ERC2: variants seen among roughly 807,000 people sequenced by gnomAD.
The protein encoded by ERC2 is ERC protein 2.
ERC2 carries 42 observed loss-of-function variants against 114.8 expected under a neutral mutation model. That is an observed-to-expected ratio of 0.37 (90% CI 0.29 to 0.47). ERC2 has a LOEUF of 0.47. Ranked by LOEUF, ERC2 falls within the 20% of genes least tolerant of loss-of-function variation. The pLI, the probability that ERC2 is intolerant of heterozygous loss-of-function variation, is 0.99. For synonymous variants in ERC2, 454 were observed against 425.5 expected, an observed-to-expected ratio of 1.07 and a Z score of -0.82; for missense variants, 939 against 1,150.7, an observed-to-expected ratio of 0.82 and a Z score of 2.66.
chr3:56,244,723 T>A (rs564227517), intron 3 of ERC2, among the ~76,000 whole-genome samples: 3 of 152,342 alleles, frequency 2.0e-5, no homozygotes, highest in Non-Finnish European at 4.4e-5. Flanking sequence ...TAAAAAAGTT[T>A]AATAAATTTA....
intron 13 of ERC2, among the ~76,000 whole-genome samples, chr3:55,933,443 A>G (rs1268489968): frequency 3.3e-5 from 5 of 152,266 alleles, no homozygotes; most frequent in Non-Finnish European, 7.3e-5. Context: ...AGAAGAAAGA[A>G]TAACGATACC....
chr3:55,943,505 A>G (rs927985345), intron 13 of ERC2, among the ~76,000 whole-genome samples: 12 of 145,980 alleles, frequency 8.2e-5, no homozygotes, highest in African/African-American at 3.0e-4. Flanking sequence ...TAATCTTCAC[A>G]GGAAGAACTC....
intron 1 of ERC2, among the ~76,000 whole-genome samples, chr3:56,435,378 A>G (rs1479471110): frequency 6.6e-6 from 1 of 152,164 alleles, no homozygotes; most frequent in Admixed American, 6.6e-5. Flanking sequence ...GCCCCTAAGC[A>G]AGATAAAAAT....
chr3:56,157,465 C>T (rs1560275071), intron 4 of ERC2, among the ~76,000 whole-genome samples: 1 of 152,108 alleles, frequency 6.6e-6, no homozygotes, highest in African/African-American at 2.4e-5. Context: ...TTCCAGCTGC[C>T]CATCCTGAGA....
intron 3 of ERC2, among the ~76,000 whole-genome samples, chr3:56,216,999 A>G (rs2150138271): frequency 6.6e-6 from 1 of 152,360 alleles, no homozygotes; most frequent in Middle Eastern, 3.4e-3. Context: ...TCTCAAAATA[A>G]CAAGAGCTAT....
intron 17 of ERC2, among the ~76,000 whole-genome samples, chr3:55,671,788 T>C (rs146382449): frequency 6.6e-6 from 1 of 152,286 alleles, no homozygotes; most frequent in Non-Finnish European, 1.5e-5. Flanking sequence ...TGGCTCATCC[T>C]ATAGTCCAAG....
intron 12 of ERC2, among the ~76,000 whole-genome samples, chr3:55,970,288 T>A (rs1278897124): frequency 6.6e-6 from 1 of 152,026 alleles, no homozygotes; most frequent in African/African-American, 2.4e-5. Flanking sequence ...ACTATTCCCT[T>A]TACAACTTAT....
intron 17 of ERC2, among the ~76,000 whole-genome samples, chr3:55,523,098 C>T (rs535536052): frequency 2.6e-5 from 4 of 152,324 alleles, no homozygotes; most frequent in African/African-American, 9.6e-5. Context: ...AGACCTGGGC[C>T]AGAGACCAAG....
At chr3:56,260,041 C>G (rs1032772254) in intron 3 of ERC2, among the ~76,000 whole-genome samples, 1 of 152,202 alleles carries the variant, frequency 6.6e-6, no homozygotes, top group Admixed American at 6.5e-5. Flanking sequence ...AACTCATTTT[C>G]TAATGTTGCT....
At chr3:55,833,818 C>T (rs531945620) in intron 14 of ERC2, among the ~76,000 whole-genome samples, 369 of 152,206 alleles carry the variant, frequency 2.4e-3, no homozygotes, top group South Asian at 0.013. Context: ...GACTGGCAAA[C>T]TGGATAAAGA....
At chr3:56,084,713 G>A (rs1383451886) in intron 6 of ERC2, among the ~76,000 whole-genome samples, 1 of 152,012 alleles carries the variant, frequency 6.6e-6, no homozygotes. Flanking sequence ...AGCAGGAAGG[G>A]TGTGAGGAGG....
chr3:55,607,422 C>G (rs1397166381), intron 17 of ERC2, among the ~76,000 whole-genome samples: 2 of 151,986 alleles, frequency 1.3e-5, no homozygotes. Context: ...TTGGCTGGTC[C>G]GAAGGGCTGA....
intron 2 of ERC2, among the ~76,000 whole-genome samples, chr3:56,332,854 T>C (rs1333139608): frequency 1.3e-5 from 2 of 152,088 alleles, no homozygotes; most frequent in African/African-American, 4.8e-5. Context: ...TCCAAGGAGA[T>C]AATCTGAGAG....
At chr3:56,455,433 C>T (rs1442378445) in intron 1 of ERC2, among the ~76,000 whole-genome samples, 1 of 152,070 alleles carries the variant, frequency 6.6e-6, no homozygotes, top group East Asian at 1.9e-4. Flanking sequence ...CATCTATTGG[C>T]TGCCTTCACT....
intron 14 of ERC2, among the ~76,000 whole-genome samples, chr3:55,846,693 T>TTCTCTC (rs34647203): frequency 0.019 from 2,647 of 142,874 alleles, 55 homozygotes; most frequent in African/African-American, 0.045. Context: ...CTCTCTCTCT[T>TTCTCTC]TCTCTCTCTC....
At chr3:55,619,963 C>T (rs1218979525) in intron 17 of ERC2, among the ~76,000 whole-genome samples, 1 of 152,172 alleles carries the variant, frequency 6.6e-6, no homozygotes, top group Non-Finnish European at 1.5e-5. Context: ...TGAAGGATTG[C>T]TCTCAAATTC....
chr3:56,467,418 G>A (rs1379872970), intron 1 of ERC2, among the ~76,000 whole-genome samples: 2 of 152,208 alleles, frequency 1.3e-5, no homozygotes, highest in Non-Finnish European at 2.9e-5. Flanking sequence ...TCTCTGGCAA[G>A]GAGAACAGAG....
intron 15 of ERC2, among the ~76,000 whole-genome samples, chr3:55,702,724 G>A (rs1274629889): frequency 6.6e-6 from 1 of 152,078 alleles, no homozygotes; most frequent in Non-Finnish European, 1.5e-5. Context: ...AATAACTCTA[G>A]GCCAACTTAC....
At chr3:56,113,234 G>A (rs1040309474) in intron 6 of ERC2, among the ~76,000 whole-genome samples, 7 of 152,090 alleles carry the variant, frequency 4.6e-5, no homozygotes, top group African/African-American at 1.7e-4. Context: ...GATACATTAA[G>A]GAAAAGATGA....
Sources: allele counts gnomAD v4.1 joint callset (sites outside exome capture counted in the v4.1 genomes callset), GRCh38; gene constraint gnomAD v4.1.1; transcripts MANE v1.5; gene names NCBI Gene and HGNC (gene_info 2026-07-23, HGNC 2026-07-21).